Variants in CCDC146 observed in about 807,000 individuals in gnomAD.
CCDC146 encodes the protein coiled-coil domain containing 146, also known as coiled-coil domain-containing protein 146.
CCDC146 carries 92 observed loss-of-function variants against 119.3 expected under a neutral mutation model. That is an observed-to-expected ratio of 0.77 (90% CI 0.65 to 0.92). CCDC146 has a LOEUF of 0.92. CCDC146 is among the 40% of genes least tolerant of loss of function. The pLI is 0.00. For synonymous variants in CCDC146, 372 were observed against 371.8 expected (o/e 1.00, Z -0.01); for missense variants, 1,000 against 1,103.0 (o/e 0.91, Z 1.32).
chr7:77,153,493 A>C lies in CCDC146; in HGVS notation c.-11-14165A>C, dbSNP rs527603412. Among the ~76,000 whole-genome samples, 38 of 150,172 alleles carry C rather than the reference A, an allele frequency of 2.5e-4. No homozygotes were observed. The East Asian group carries it at 7.2e-3, about 28-fold the overall frequency. ...TTAAAAATTAGCAAAGCATCTGAAC[A>C]AACATTTCACCAACCCAAATGTACA... On this transcript the variant is annotated intron_variant, in intron 1 of 18. Transcript: ENST00000285871.
intron 2 of CCDC146, among the ~76,000 whole-genome samples, chr7:77,213,006 G>GT (rs1792218431): frequency 1.2e-5 from 1 of 86,898 alleles, no homozygotes; most frequent in Non-Finnish European, 2.2e-5. Flanking sequence ...CATCAACTTT[G>GT]TTTTTTGTTG....
At chr7:77,197,547 G>C (rs1791897763) in intron 2 of CCDC146, among the ~76,000 whole-genome samples, 1 of 152,166 alleles carries the variant, frequency 6.6e-6, no homozygotes, top group South Asian at 2.1e-4. Context: ...AACTCTCCTA[G>C]AACTGTATTC....
rs1356886099 is a variant in CCDC146, at chr7:77,293,171, C to T, written c.2635C>T (p.His879Tyr). The change falls in exon 18 of 19, where the codon CAC (histidine) becomes TAC (tyrosine). Residue 879 changes from histidine to tyrosine, a missense_variant. Transcript: ENST00000285871. ...GAAAGTCCTTCGAGATGAAGAAATG[C>T]ACGCCTTGGCCATCGCTGAAAAGTC... Reference protein sequence around the residue: ...WLKVLRDEEMHALAIAEKSQE... With the variant: ...WLKVLRDEEMYALAIAEKSQE... 2 of 1,613,944 alleles carry T rather than the reference C, an allele frequency of 1.2e-6. No homozygotes were observed. Among genetic ancestry groups the T allele is most frequent in the African/African-American group, 2.7e-5 (2 of 74,918 alleles).
At chr7:77,206,442 C>T (rs1163311890) in intron 2 of CCDC146, among the ~76,000 whole-genome samples, 1 of 151,920 alleles carries the variant, frequency 6.6e-6, no homozygotes, top group Non-Finnish European at 1.5e-5. Context: ...TGGTGAAATC[C>T]CATCTCTACT....
At chr7:77,278,120 G>T (rs1314873313) in intron 11 of CCDC146, among the ~76,000 whole-genome samples, 2 of 152,154 alleles carry the variant, frequency 1.3e-5, no homozygotes, top group South Asian at 4.1e-4. Context: ...AAACACCACA[G>T]AGGGTTCAGT....
intron 2 of CCDC146, among the ~76,000 whole-genome samples, chr7:77,183,886 A>T (rs2150418451): frequency 6.6e-6 from 1 of 152,338 alleles, no homozygotes; most frequent in Middle Eastern, 3.4e-3. Context: ...TTTTCAAAAG[A>T]GCAAATATAC....
intron 2 of CCDC146, among the ~76,000 whole-genome samples, chr7:77,236,337 T>G (rs1213994653): frequency 6.6e-6 from 1 of 152,218 alleles, no homozygotes; most frequent in Non-Finnish European, 1.5e-5. Flanking sequence ...CTTTATGCAT[T>G]GGAAAACTTT....
Position 77,196,348 on chromosome 7 carries a change from G to T in CCDC146, c.156+28524G>T, listed in dbSNP as rs200580249. On this transcript the variant is annotated intron_variant, in intron 2 of 18. Coordinates refer to ENST00000285871, the MANE Select transcript of CCDC146 (RefSeq NM_020879.3). This position sits in a 1 kb window ranked among gnomAD's most constrained non-coding sequence, Gnocchi z 4.2. ...TGAAGGAGGACTTGTAGCCACCAGG[G>T]TGTGCCTCACTTACACCAGGCCAGG... 5.6e-6 allele frequency: 9 copies of T among 1,614,086 alleles called. No homozygotes were observed. In the East Asian group the frequency reaches 1.6e-4, roughly 28 times the overall value.
intron 15 of CCDC146, among the ~76,000 whole-genome samples, chr7:77,283,476 A>G (rs1008144375): frequency 3.3e-5 from 5 of 152,222 alleles, no homozygotes; most frequent in Non-Finnish European, 5.9e-5. Context: ...CCAATGTAGC[A>G]GGAACAAATT....
At chr7:77,137,023 C>T (rs1349609943) in intron 1 of CCDC146, among the ~76,000 whole-genome samples, 1 of 152,066 alleles carries the variant, frequency 6.6e-6, no homozygotes, top group Non-Finnish European at 1.5e-5. Context: ...TCAATAGATG[C>T]AGAAAAATTA....
intron 9 of CCDC146, among the ~76,000 whole-genome samples, chr7:77,265,199 T>C (rs1389105389): frequency 1.3e-5 from 2 of 152,238 alleles, no homozygotes; most frequent in Non-Finnish European, 2.9e-5. Context: ...ACCGCAGTTA[T>C]AATGTCCATT....
intron 1 of CCDC146, among the ~76,000 whole-genome samples, chr7:77,145,974 G>A (rs1025951877): frequency 2.0e-5 from 3 of 151,956 alleles, no homozygotes; most frequent in African/African-American, 7.3e-5. Flanking sequence ...GGATATCCTT[G>A]TTAACTTTCT....
rs553507008 is a variant in CCDC146, at chr7:77,185,353, G to GTTTGAT, written c.156+17530_156+17535dup. Among the ~76,000 whole-genome samples the GTTTGAT allele has an allele frequency of 1.8e-3, 270 of 152,214 alleles. 1 individual carries two copies. The highest frequency in any genetic ancestry group is 6.0e-3 in the African/African-American group (251 of 41,538). On this transcript the variant is annotated intron_variant, in intron 2 of 18. Coordinates refer to ENST00000285871, the MANE Select transcript of CCDC146 (RefSeq NM_020879.3). The stretch of plus-strand genomic sequence containing the variant: ...ATATAAGCAAATAATTTTGTGGACC[G>GTTTGAT]TTTGATAAACGTTTAAACATAAACA...
intron 8 of CCDC146, among the ~76,000 whole-genome samples, chr7:77,261,680 T>C (rs1793302056): frequency 6.6e-6 from 1 of 152,022 alleles, no homozygotes; most frequent in South Asian, 2.1e-4. Flanking sequence ...GGTTTCACCG[T>C]GTTAGCCAGG....
intron 1 of CCDC146, among the ~76,000 whole-genome samples, chr7:77,123,707 A>G (rs1439619655): frequency 2.6e-5 from 4 of 152,184 alleles, no homozygotes; most frequent in Non-Finnish European, 4.4e-5. Context: ...CGTGATAGAT[A>G]GACTGGGCTA....
In CCDC146 at chr7:77,256,424, GAGA is replaced by G; in HGVS notation, c.603_605del (p.Glu201del). On this transcript the variant is annotated inframe_deletion, in exon 6 of 19. Transcript: ENST00000285871. ...AAGAAATTAGAAATTAAAAATTTAC[GAGA>G]AGATTTGGCATCTAAACAAAAGCAA... 2 of 1,607,748 alleles carry G rather than the reference GAGA, an allele frequency of 1.2e-6. No homozygotes were observed. Among genetic ancestry groups the G allele is most frequent in the Non-Finnish European group, 1.7e-6 (2 of 1,177,356 alleles).
intron 1 of CCDC146, among the ~76,000 whole-genome samples, chr7:77,136,943 C>A (rs1049099433): frequency 1.3e-5 from 2 of 152,120 alleles, no homozygotes; most frequent in African/African-American, 2.4e-5. Flanking sequence ...AAGGCTGGTT[C>A]AACACTCAAA....
intron 1 of CCDC146, among the ~76,000 whole-genome samples, chr7:77,160,073 A>T (rs1054126259): frequency 1.3e-5 from 2 of 152,190 alleles, no homozygotes; most frequent in African/African-American, 4.8e-5. Context: ...AAGATCAGAT[A>T]GTTGTAGATA....
intron 1 of CCDC146, among the ~76,000 whole-genome samples, chr7:77,154,066 A>G (rs1416593042): frequency 6.6e-6 from 1 of 151,818 alleles, no homozygotes; most frequent in East Asian, 1.9e-4. Context: ...GACATGTGAT[A>G]TAATTCCATT....
Sources: allele counts gnomAD v4.1 joint callset (sites outside exome capture counted in the v4.1 genomes callset), GRCh38; gene constraint gnomAD v4.1.1; non-coding constraint Gnocchi (gnomAD v3.1); transcripts MANE v1.5; gene names NCBI Gene and HGNC (gene_info 2026-07-23, HGNC 2026-07-21).